The following ACACA variants were observed in gnomAD, a reference collection of about 807,000 sequenced individuals.
The protein encoded by ACACA is acetyl-CoA carboxylase 1.
A neutral mutation model predicts 296.1 loss-of-function variants in ACACA; 103 were observed. That is an observed-to-expected ratio of 0.35 (90% CI 0.30 to 0.41). ACACA has a LOEUF of 0.41. Among genes scored for constraint, ACACA ranks in the 10% least tolerant of loss-of-function variants. ACACA has a pLI of 1.00. For synonymous variants in ACACA, 953 were observed against 1,038.6 expected (o/e 0.92, Z 1.58); for missense variants, 1,554 against 2,989.7 (o/e 0.52, Z 11.20).
chr17:37,375,635 C>T (rs2049972292), intron 1 of ACACA, among the ~76,000 whole-genome samples: 1 of 152,172 alleles, frequency 6.6e-6, no homozygotes, highest in Non-Finnish European at 1.5e-5. Flanking sequence ...TCCTAGTTTC[C>T]TGCTCTATTT....
At chr17:37,258,006 C>A in intron 13 of ACACA, 140 bp from the exon 14 acceptor site, 2 of 1,210,610 alleles carry the variant, frequency 1.7e-6, no homozygotes, top group Non-Finnish European at 2.4e-6. Flanking sequence ...AGACCCAGTG[C>A]CACAGACCCA....
chr17:37,173,981 T>TA (rs1370717845), intron 41 of ACACA, among the ~76,000 whole-genome samples: 23 of 41,620 alleles, frequency 5.5e-4, no homozygotes, highest in African/African-American at 1.2e-3. Flanking sequence ...GCCTGGCTAA[T>TA]TTATATATAT....
rs537560231 is a variant in ACACA, at chr17:37,363,186, T to C, written c.39-23336A>G. Among the ~76,000 whole-genome samples the C allele has an allele frequency of 1.1e-3, 131 of 124,274 alleles. No individual in the cohort carries two copies. The East Asian group carries it at 0.018, about 18-fold the overall frequency. The allele number at this position is 124,274 out of a possible 152,430, so 81.5% of individuals were successfully genotyped here. A position where few individuals can be genotyped will look rare whatever the true frequency, so the allele number is the denominator to read the frequency against. ...TTTTCTCTTTCTCTTTTTCTTTTTT[T>C]TTTTTTTTTTTTTTTTGAGACGGTC... On this transcript the variant is annotated intron_variant, in intron 1 of 55. Transcript: ENST00000616317.
At chr17:37,397,134 G>A (rs535290867) in intron 1 of ACACA, among the ~76,000 whole-genome samples, 141 of 151,816 alleles carry the variant, frequency 9.3e-4, no homozygotes, top group African/African-American at 3.1e-3. Context: ...GAGAACATGC[G>A]ATGTTTGGTT....
At chr17:37,174,560 G>A (rs1420770689) in intron 41 of ACACA, among the ~76,000 whole-genome samples, 3 of 151,730 alleles carry the variant, frequency 2.0e-5, no homozygotes, top group African/African-American at 4.8e-5. Flanking sequence ...TTGAGACGGA[G>A]TCTCACTCTG....
chr17:37,123,939 T>C (rs528534040), intron 48 of ACACA, among the ~76,000 whole-genome samples: 269 of 152,362 alleles, frequency 1.8e-3, no homozygotes, highest in African/African-American at 5.6e-3. Flanking sequence ...GAACAACTTC[T>C]GTTTTCTATT....
chr17:37,293,926 A>G (rs1484414812), intron 3 of ACACA, among the ~76,000 whole-genome samples: 1 of 152,202 alleles, frequency 6.6e-6, no homozygotes, highest in African/African-American at 2.4e-5. Flanking sequence ...GTTTATTTAG[A>G]TAACTTCTAT....
chr17:37,382,308 T>C (rs1489329138), intron 1 of ACACA, among the ~76,000 whole-genome samples: 2 of 152,000 alleles, frequency 1.3e-5, no homozygotes, highest in Non-Finnish European at 2.9e-5. Flanking sequence ...CTGAAGTTTC[T>C]CTCCTTCTGC....
At chr17:37,098,039 C>T in intron 52 of ACACA, 55 bp from the exon 53 acceptor site, 11 of 1,611,132 alleles carry the variant, frequency 6.8e-6, no homozygotes, top group Non-Finnish European at 9.3e-6. Flanking sequence ...AATCTCTCTG[C>T]ACAAAAGCAG....
chr17:37,165,690 T>TG (rs1337826521), intron 41 of ACACA, among the ~76,000 whole-genome samples: 1 of 151,672 alleles, frequency 6.6e-6, no homozygotes, highest in Non-Finnish European at 1.5e-5. Flanking sequence ...TTTTTTTTTT[T>TG]TTGAGACAGA....
chr17:37,277,235 G>T, intron 6 of ACACA, 121 bp from the exon 7 acceptor site: 1 of 815,480 alleles, frequency 1.2e-6, no homozygotes, highest in African/African-American at 1.7e-5. Flanking sequence ...GCAGCCTAAT[G>T]CTTAATTCAG....
chr17:37,188,264 T>TTG lies in ACACA; in HGVS notation c.4776+11_4776+12dup. ...CAAATCAAAACTCTGAGGAGCCTGT[T>TTG]TGAGTATTGTACCTGTGCTGTCCTG... On this transcript the variant is annotated intron_variant, in intron 39 of 55. Coordinates refer to ENST00000616317, the MANE Select transcript of ACACA (RefSeq NM_198834.3). 1 of 1,612,846 alleles carries TTG rather than the reference T, an allele frequency of 6.2e-7. No homozygotes were observed. Among genetic ancestry groups the TTG allele is most frequent in the East Asian group, 2.2e-5 (1 of 44,862 alleles).
chr17:37,121,739 T>C (rs557785151), intron 49 of ACACA, among the ~76,000 whole-genome samples: 1 of 152,316 alleles, frequency 6.6e-6, no homozygotes, highest in East Asian at 1.9e-4. Context: ...AAGAATGCAG[T>C]CCTAAGAACC....
At chr17:37,164,798 C>T (rs998301426) in intron 41 of ACACA, among the ~76,000 whole-genome samples, 1 of 152,130 alleles carries the variant, frequency 6.6e-6, no homozygotes, top group Non-Finnish European at 1.5e-5. Flanking sequence ...TTGCGTTTTA[C>T]ACCAAATTTT....
In ACACA at chr17:37,334,597, AC is replaced by A. The variant is rs574116245; in HGVS notation, c.86-4173del. 1.2e-3 allele frequency among the ~76,000 whole-genome samples: 188 copies of A among 152,210 alleles called. 1 individual carries two copies. The highest frequency in any genetic ancestry group is 3.4e-3 in the Admixed American group (52 of 15,284). Reference sequence around the variant, plus strand: ...GAGACAATGCTAGCTATTCCTGTGAACCTCTAGAGGATCTGCGCCTGCTCTT... The same window carrying A: ...GAGACAATGCTAGCTATTCCTGTGAACTCTAGAGGATCTGCGCCTGCTCTT... On this transcript the variant is annotated intron_variant, in intron 2 of 55. Transcript: ENST00000616317.
intron 39 of ACACA, among the ~76,000 whole-genome samples, chr17:37,182,431 T>C (rs1243200200): frequency 1.3e-5 from 2 of 152,142 alleles, no homozygotes; most frequent in Non-Finnish European, 2.9e-5. Flanking sequence ...AATACCTATA[T>C]TGTCACATAA....
chr17:37,258,990 C>G (rs1338663217), intron 12 of ACACA, among the ~76,000 whole-genome samples: 1 of 152,066 alleles, frequency 6.6e-6, no homozygotes, highest in Non-Finnish European at 1.5e-5. Flanking sequence ...AACCACTAAT[C>G]TCTGATGCAG....
At chr17:37,203,027 A>G (rs920637407) in intron 33 of ACACA, among the ~76,000 whole-genome samples, 2 of 150,978 alleles carry the variant, frequency 1.3e-5, no homozygotes, top group Non-Finnish European at 2.9e-5. Context: ...CAGTGGTGCA[A>G]TCTCGGCTCA....
In ACACA at chr17:37,085,392, A is replaced by T. The variant is rs953323756; in HGVS notation, c.*1924T>A. 1 of 389,790 alleles carries T rather than the reference A, an allele frequency of 2.6e-6. No individual in the cohort carries two copies. The highest frequency in any genetic ancestry group is 4.5e-6 in the Non-Finnish European group (1 of 221,076). The allele number at this position is 389,790 out of a possible 1,614,324, so 24.1% of individuals were successfully genotyped here. On this transcript the variant is annotated 3_prime_UTR_variant, in exon 56 of 56. Transcript: ENST00000616317. ...GAGGGGAGGTAAATGAGTGTAACCC[A>T]CCCTGCCTCTGAAGACATGCCTGGA...
Sources: allele counts gnomAD v4.1 joint callset (sites outside exome capture counted in the v4.1 genomes callset), GRCh38; gene constraint gnomAD v4.1.1; transcripts MANE v1.5; gene names NCBI Gene and HGNC (gene_info 2026-07-23, HGNC 2026-07-21).